MRPL13: variants seen among roughly 807,000 people sequenced by gnomAD.
MRPL13 encodes the protein large ribosomal subunit protein uL13m.
Under a neutral mutation model 29.0 loss-of-function variants are expected in MRPL13, and 33 were observed. The observed-to-expected ratio is 1.14, with a 90% confidence interval of 0.86 to 1.52. The LOEUF (loss-of-function observed/expected upper bound fraction) is 1.52, where lower values mean the gene tolerates loss of function less well. Ranked by LOEUF, MRPL13 falls within the 40% of genes most tolerant of loss-of-function variation. MRPL13 has a pLI of 0.00. For missense variants in MRPL13, 227 were observed against 216.7 expected, an observed-to-expected ratio of 1.05 and a Z score of -0.30; for synonymous variants, 77 against 68.4, an observed-to-expected ratio of 1.13 and a Z score of -0.62.
At chr8:120,425,259 G>A (rs761467402) in intron 4 of MRPL13, 47 bp downstream of exon 4, 2 of 1,409,582 alleles carry the variant, frequency 1.4e-6, no homozygotes, top group Non-Finnish European at 2.0e-6. Flanking sequence ...AACAGTATCT[G>A]AATTGGTCTT....
chr8:120,399,613 T>C (rs891529436), intron 6 of MRPL13, among the ~76,000 whole-genome samples: 2 of 152,128 alleles, frequency 1.3e-5, no homozygotes, highest in African/African-American at 2.4e-5. Flanking sequence ...CCAGCTAGCA[T>C]CATGACAGGA....
intron 3 of MRPL13, among the ~76,000 whole-genome samples, chr8:120,425,967 G>A (rs966982085): frequency 1.3e-5 from 2 of 152,082 alleles, no homozygotes; most frequent in East Asian, 3.8e-4. Flanking sequence ...AGGCAGCTTA[G>A]CTTCCAGATA....
chr8:120,424,134 A>T (rs1356258885), intron 4 of MRPL13, among the ~76,000 whole-genome samples: 4 of 152,172 alleles, frequency 2.6e-5, no homozygotes, highest in Admixed American at 1.3e-4. Context: ...GCAAACACTA[A>T]TCAAAAGTCA....
At chr8:120,436,305 T>TTG (rs1483002179) in intron 2 of MRPL13, among the ~76,000 whole-genome samples, 1 of 152,158 alleles carries the variant, frequency 6.6e-6, no homozygotes, top group Non-Finnish European at 1.5e-5. Flanking sequence ...CCAGCAATGC[T>TTG]GAGTAATCCA....
At chr8:120,400,739 AAT>A (rs1316985602) in intron 6 of MRPL13, among the ~76,000 whole-genome samples, 3 of 93,588 alleles carry the variant, frequency 3.2e-5, no homozygotes, top group African/African-American at 1.4e-4. Flanking sequence ...TAAATAAATA[AAT>A]AAAAAAAATA....
intron 3 of MRPL13, among the ~76,000 whole-genome samples, chr8:120,429,646 A>G (rs997044628): frequency 1.3e-5 from 2 of 152,208 alleles, no homozygotes; most frequent in Non-Finnish European, 2.9e-5. Flanking sequence ...AATACTTACA[A>G]AAAGGTTCTC....
intron 6 of MRPL13, among the ~76,000 whole-genome samples, chr8:120,398,101 A>C (rs1358351178): frequency 2.6e-5 from 4 of 152,144 alleles, no homozygotes; most frequent in Non-Finnish European, 5.9e-5. Context: ...CCGGATGGGG[A>C]TGGGATCCCC....
chr8:120,443,284 A>G lies in MRPL13; in HGVS notation c.52T>C (p.Trp18Arg). ...PQQWATFARI[W>R]YLLDGKMQPP... ...TGCATTTTCCCATCTAAGAGATACC[A>G]TATTCTAGCAAAAGTGGCCCATTGC... The change falls in exon 2 of 7, where the codon TGG becomes CGG. Residue 18 changes from tryptophan to arginine, a missense_variant. Physicochemically the swap from Trp to Arg is moderately radical, Grantham distance 101. Transcript: ENST00000306185. The G allele has an allele frequency of 6.3e-7, 1 of 1,596,850 alleles. No individual in the cohort carries two copies. Among genetic ancestry groups the G allele is most frequent in the Middle Eastern group, 1.7e-4 (1 of 5,986 alleles).
chr8:120,411,306 G>T (rs183039770), intron 6 of MRPL13, among the ~76,000 whole-genome samples: 29 of 152,250 alleles, frequency 1.9e-4, no homozygotes, highest in African/African-American at 6.7e-4. Flanking sequence ...GAACTCAAGA[G>T]GTACTCCTGC....
rs192194610 is a variant in MRPL13, at chr8:120,413,148, T to G, written c.515+843A>C. Among the ~76,000 whole-genome samples, 519 of 152,320 alleles carry G rather than the reference T, an allele frequency of 3.4e-3. 3 individuals carry two copies. The highest frequency in any genetic ancestry group is 0.011 in the African/African-American group (475 of 41,570). Reference sequence around the variant, plus strand: ...AATGAAAAGTGGTCTTTGCTTCATATTTTCTAGAGATTCTTTCCTAAAGTC... The same window carrying G: ...AATGAAAAGTGGTCTTTGCTTCATAGTTTCTAGAGATTCTTTCCTAAAGTC... On this transcript the variant is annotated intron_variant, in intron 6 of 6. Coordinates refer to ENST00000306185, the MANE Select transcript of MRPL13 (RefSeq NM_014078.6).
At chr8:120,422,081 A>G (rs1260301641) in intron 4 of MRPL13, among the ~76,000 whole-genome samples, 1 of 151,782 alleles carries the variant, frequency 6.6e-6, no homozygotes, top group African/African-American at 2.4e-5. Flanking sequence ...ACAGATATAA[A>G]CAATACAAAA....
At chr8:120,438,433 T>C (rs1412141671) in intron 2 of MRPL13, among the ~76,000 whole-genome samples, 1 of 152,240 alleles carries the variant, frequency 6.6e-6, no homozygotes, top group Admixed American at 6.5e-5. Flanking sequence ...ACAGCTCTTC[T>C]GGTATCCTAG....
At chr8:120,409,276 A>T (rs887070272) in intron 6 of MRPL13, among the ~76,000 whole-genome samples, 1 of 152,156 alleles carries the variant, frequency 6.6e-6, no homozygotes, top group South Asian at 2.1e-4. Context: ...TTCAAGTTGA[A>T]TTTTTTCACA....
At chr8:120,422,792 T>C (rs1812889245) in intron 4 of MRPL13, among the ~76,000 whole-genome samples, 1 of 151,668 alleles carries the variant, frequency 6.6e-6, no homozygotes, top group Admixed American at 6.6e-5. Flanking sequence ...AAGTCTAAAG[T>C]TCAGCTCAAA....
chr8:120,396,219 C>G, intron 6 of MRPL13, 94 bp from the exon 7 acceptor site: 11 of 966,682 alleles, frequency 1.1e-5, no homozygotes, highest in Non-Finnish European at 1.7e-5. Flanking sequence ...ATAAAAATAA[C>G]TGTTCACCAA....
intron 1 of MRPL13, among the ~76,000 whole-genome samples, chr8:120,444,122 A>G (rs1317009668): frequency 6.6e-6 from 1 of 152,146 alleles, no homozygotes; most frequent in Non-Finnish European, 1.5e-5. Context: ...GTCCCCATCC[A>G]TTGTAGACTA....
intron 1 of MRPL13, 120 bp downstream of exon 1, chr8:120,444,948 C>T (rs1484339666): frequency 6.6e-6 from 9 of 1,356,318 alleles, no homozygotes; most frequent in African/African-American, 2.9e-5. Flanking sequence ...CCCAAGTCAC[C>T]TCTTGGCCGA....
At chr8:120,436,243 G>A (rs1385497108) in intron 2 of MRPL13, among the ~76,000 whole-genome samples, 2 of 152,066 alleles carry the variant, frequency 1.3e-5, no homozygotes, top group Non-Finnish European at 2.9e-5. Flanking sequence ...TTTAGTTTTA[G>A]AAGAAACTGC....
At chr8:120,433,899 A>G (rs916686221) in intron 2 of MRPL13, among the ~76,000 whole-genome samples, 1 of 152,130 alleles carries the variant, frequency 6.6e-6, no homozygotes, top group Non-Finnish European at 1.5e-5. Context: ...ATATATATGT[A>G]CCAAATGTAA....
Sources: allele counts gnomAD v4.1 joint callset (sites outside exome capture counted in the v4.1 genomes callset), GRCh38; gene constraint gnomAD v4.1.1; transcripts MANE v1.5; gene names NCBI Gene and HGNC (gene_info 2026-07-23, HGNC 2026-07-21).